RBM12: variants seen among roughly 807,000 people sequenced by gnomAD.
RBM12 encodes RNA binding motif protein 12.
In RBM12, 24 loss-of-function variants were observed where a neutral mutation model predicts 37.2. The ratio of observed to expected loss-of-function variants is 0.65; its 90% CI spans 0.47 to 0.91. The LOEUF is 0.91. RBM12 is among the 40% of genes least tolerant of loss of function. RBM12 has a pLI of 0.00. For synonymous variants in RBM12, 420 were observed against 425.2 expected, an observed-to-expected ratio of 0.99 and a Z score of 0.15; for missense variants, 1,061 against 1,183.2, an observed-to-expected ratio of 0.90 and a Z score of 1.52.
At position 35,652,515 on chromosome 20, in the gene RBM12, T is replaced by G. The variant is rs1367450800; in HGVS notation, c.*9A>C. On this transcript the variant is annotated 3_prime_UTR_variant, in exon 3 of 3. Transcript: ENST00000374114. ...TGAAGATCTACCCTATAAAAAATGA[T>G]GTGAATGGCTACCCTAATACAAGTT... 1 of 1,600,982 alleles carries G rather than the reference T, an allele frequency of 6.2e-7. No individual in the cohort carries two copies. Among genetic ancestry groups the G allele is most frequent in the South Asian group, 1.1e-5 (1 of 89,258 alleles).
chr20:35,659,806 T>C (rs1439434494), intron 1 of RBM12, among the ~76,000 whole-genome samples: 6 of 152,232 alleles, frequency 3.9e-5, no homozygotes, highest in South Asian at 2.1e-4. Context: ...CAAGCATATA[T>C]GACCAAATGT....
rs2033692287 is a variant in RBM12 at position 35,653,552 on chromosome 20, G to A, written c.1771C>T (p.Gln591Ter). ...NGQGLGQALV[Q>*]FKNEDDARKS... is the part of the protein sequence containing the mutation. Reference sequence around the variant, plus strand: ...CGTGCATCATCTTCATTTTTAAACTGAACCAATGCCTGTCCTAGACCTTGC... The same window carrying A: ...CGTGCATCATCTTCATTTTTAAACTAAACCAATGCCTGTCCTAGACCTTGC... The change falls in exon 3 of 3, where the codon CAG (glutamine) becomes TAG (stop). Residue 591 changes from glutamine to a stop codon, truncating the protein, a stop_gained. Transcript: ENST00000374114. LOFTEE classifies it high-confidence loss of function. 1 of 1,614,006 alleles carries A rather than the reference G, an allele frequency of 6.2e-7. No homozygotes were observed. The highest frequency in any genetic ancestry group is 8.5e-7 in the Non-Finnish European group (1 of 1,180,028).
rs1463790316 is a variant in RBM12, at chr20:35,652,783, G to A, written c.2540C>T (p.Ala847Val). 1.9e-6 allele frequency: 3 copies of A among 1,610,808 alleles called. No individual in the cohort carries two copies. The highest frequency in any genetic ancestry group is 2.2e-5 in the East Asian group (1 of 44,880). Residue 847 changes from alanine (A) to valine (V), a missense_variant, in exon 3 of 3, where the codon GCA becomes GTA. By Grantham distance (64) the Ala-to-Val change is moderately conservative. This residue lies in a region of RBM12 where 517 missense variants were observed against 534.0 expected (regional missense o/e 0.97). Coordinates refer to ENST00000374114, the MANE Select transcript of RBM12 (RefSeq NM_006047.6). Reference sequence around the variant, plus strand: ...CGGTCCTGGTTTTCCAGAACTAGATGCAAAGCCAGGGGGACCACCAATATG... The same window carrying A: ...CGGTCCTGGTTTTCCAGAACTAGATACAAAGCCAGGGGGACCACCAATATG... ...PIHIGGPPGF[A>V]SSSGKPGPTV...
chr20:35,652,812 T>TGGGCCG lies in RBM12; in HGVS notation c.2510_2511insCGGCCC (p.Gly836_Pro837dup), dbSNP rs1568933455. 1 of 1,587,810 alleles carries TGGGCCG rather than the reference T, an allele frequency of 6.3e-7. No homozygotes were observed. Among genetic ancestry groups the TGGGCCG allele is most frequent in the Non-Finnish European group, 8.6e-7 (1 of 1,162,086 alleles). Reference sequence around the variant, plus strand: ...AGCCAGGGGGACCACCAATATGGATTGGGCCAGGGCCGGGGCCGGGGCCGG... The same window carrying TGGGCCG: ...AGCCAGGGGGACCACCAATATGGATTGGGCCGGGGCCAGGGCCGGGGCCGGGGCCGG... On this transcript the variant is annotated inframe_insertion, in exon 3 of 3. Transcript: ENST00000374114.
In RBM12 at chr20:35,653,234, T is replaced by C; in HGVS notation, c.2089A>G (p.Ile697Val). ...LPGAGMPSAG[I>V]PSAGGEEHAF... The stretch of plus-strand genomic sequence containing the variant: ...TGCTCTTCACCTCCTGCACTAGGTA[T>C]TCCTGCACTGGGCATTCCCGCACCA... Residue 697 changes from isoleucine (I) to valine (V), a missense_variant, in exon 3 of 3, where the codon ATA becomes GTA. By Grantham distance (29) the Ile-to-Val change is conservative. This residue lies in a region of RBM12 where 517 missense variants were observed against 534.0 expected (regional missense o/e 0.97). Coordinates refer to ENST00000374114, the MANE Select transcript of RBM12 (RefSeq NM_006047.6). 1 of 1,613,570 alleles carries C rather than the reference T, an allele frequency of 6.2e-7. No individual in the cohort carries two copies. Among genetic ancestry groups the C allele is most frequent in the Non-Finnish European group, 8.5e-7 (1 of 1,179,936 alleles).
intron 1 of RBM12, among the ~76,000 whole-genome samples, chr20:35,659,836 G>A (rs1346061589): frequency 1.3e-5 from 2 of 151,960 alleles, no homozygotes; most frequent in African/African-American, 4.8e-5. Context: ...TATATTCAAA[G>A]GTCATTTTTT....
chr20:35,658,718 C>A (rs930206488), intron 2 of RBM12, among the ~76,000 whole-genome samples: 3 of 151,928 alleles, frequency 2.0e-5, no homozygotes, highest in African/African-American at 7.3e-5. Context: ...CGAGATGGCA[C>A]CACTGCACTC....
At chr20:35,661,439 A>AC (rs1414343962) in intron 1 of RBM12, among the ~76,000 whole-genome samples, 1 of 152,224 alleles carries the variant, frequency 6.6e-6, no homozygotes, top group Admixed American at 6.5e-5. Context: ...CATCTAAAAT[A>AC]CATATTCTAT....
At position 35,658,491 on chromosome 20, in the gene RBM12, C is replaced by A. The variant is rs1396787533; in HGVS notation, c.-23+439G>T. 2.0e-5 allele frequency among the ~76,000 whole-genome samples: 3 copies of A among 151,946 alleles called. No homozygotes were observed. The South Asian group carries it at 6.2e-4, about 32-fold the overall frequency. On this transcript the variant is annotated intron_variant, in intron 2 of 2. Transcript: ENST00000374114. Reference sequence around the variant, plus strand: ...TAAAAAACCACACCGGCCTGGGTGGCGGCTCATGCCTGTAATCCCAGCACT... The same window carrying A: ...TAAAAAACCACACCGGCCTGGGTGGAGGCTCATGCCTGTAATCCCAGCACT...
intron 1 of RBM12, among the ~76,000 whole-genome samples, chr20:35,664,185 C>T (rs1201117254): frequency 6.6e-6 from 1 of 152,236 alleles, no homozygotes; most frequent in Admixed American, 6.5e-5. Flanking sequence ...ACCCCTCCAC[C>T]TTCAGGCCAC....
chr20:35,654,061 C>G lies in RBM12; in HGVS notation c.1262G>C (p.Arg421Thr). 1.2e-6 allele frequency: 2 copies of G among 1,614,162 alleles called. No individual in the cohort carries two copies. Among genetic ancestry groups the G allele is most frequent in the Non-Finnish European group, 1.7e-6 (2 of 1,180,004 alleles). ...ACCAGCCTCATGTGGTGATCTTGACCTTGATCTTTTCTGCCCACTGGGCGA... is the reference window on the plus strand; with the variant it reads ...ACCAGCCTCATGTGGTGATCTTGACGTTGATCTTTTCTGCCCACTGGGCGA... The part of the protein sequence containing the change: ...SKSPSGQKRS[R>T]SRSPHEAGFC... Residue 421 changes from arginine to threonine, a missense_variant, in exon 3 of 3, where the codon AGG (arginine) becomes ACG (threonine). Arg to Thr is a moderately conservative substitution (Grantham distance 71). This residue lies in a region of RBM12 where 540 missense variants were observed against 632.7 expected (regional missense o/e 0.85). Transcript: ENST00000374114.
At chr20:35,655,474 A>G in intron 2 of RBM12, 130 bp from the exon 3 acceptor site, 1 of 768,586 alleles carries the variant, frequency 1.3e-6, no homozygotes, top group South Asian at 2.0e-5. Context: ...CAATGTCTTT[A>G]ATTTAGATAT....
chr20:35,656,533 T>A (rs758238206), intron 2 of RBM12, among the ~76,000 whole-genome samples: 1 of 152,154 alleles, frequency 6.6e-6, no homozygotes, highest in Non-Finnish European at 1.5e-5. Flanking sequence ...AAGTCAACTT[T>A]TATTTATTTA....
Position 35,658,939 on chromosome 20 carries a change from CAA to C in RBM12, c.-34_-33del. On this transcript the variant is annotated 5_prime_UTR_variant, in exon 2 of 3. Transcript: ENST00000374114. ...ATTCAAAATCTCTTACCTGATAAAA[CAA>C]GAGATGAATTTCCTTAACAAGAAGT... The C allele has an allele frequency of 2.8e-6, 2 of 716,142 alleles. No individual in the cohort carries two copies. The highest frequency in any genetic ancestry group is 1.8e-5 in the African/African-American group (1 of 57,086). 44.4% of individuals were successfully genotyped at this position (716,142 alleles called of 1,614,324 possible). A position where few individuals can be genotyped will look rare whatever the true frequency, so the allele number is the denominator to read the frequency against.
chr20:35,654,231 T>G lies in RBM12; in HGVS notation c.1092A>C (p.Arg364Ser). Residue 364 changes from arginine to serine, a missense_variant, in exon 3 of 3, where the codon AGA (arginine) becomes AGC (serine). Arg to Ser is a moderately radical substitution (Grantham distance 110). This residue lies in a region of RBM12 where 540 missense variants were observed against 632.7 expected (regional missense o/e 0.85). Coordinates refer to ENST00000374114, the MANE Select transcript of RBM12 (RefSeq NM_006047.6). ...CCACATAGCGTTGAATCATCAGCAT[T>G]CTGTTTCGTTTCAAAGCTTCAAATG... The part of the protein sequence containing the change: ...QDTFEALKRN[R>S]MLMIQRYVEV... 1 of 1,614,250 alleles carries G rather than the reference T, an allele frequency of 6.2e-7. No individual in the cohort carries two copies. Among genetic ancestry groups the G allele is most frequent in the Non-Finnish European group, 8.5e-7 (1 of 1,180,044 alleles).
chr20:35,654,995 T>C lies in RBM12; in HGVS notation c.328A>G (p.Ser110Gly). 2 of 1,614,206 alleles carry C rather than the reference T, an allele frequency of 1.2e-6. No homozygotes were observed. The highest frequency in any genetic ancestry group is 1.7e-6 in the Non-Finnish European group (2 of 1,180,022). ...ANASRSGPPP[S>G]SGMSSRVNLP... ...TTTACCCTGCTACTCATTCCTGAGC[T>C]AGGTGGTGGTCCTGATCTACTGGCA... Residue 110 changes from serine to glycine, a missense_variant, in exon 3 of 3, where the codon AGC becomes GGC. Ser to Gly is a moderately conservative substitution (Grantham distance 56). Around this residue, in one of 3 missense-constraint regions of RBM12, gnomAD observed 540 missense variants for 632.7 expected, o/e 0.85. Transcript: ENST00000374114.
intron 2 of RBM12, among the ~76,000 whole-genome samples, chr20:35,655,996 T>C (rs2033877416): frequency 6.6e-6 from 1 of 152,212 alleles, no homozygotes; most frequent in Non-Finnish European, 1.5e-5. Context: ...TATGGAATTA[T>C]TTATTATAAA....
Position 35,651,615 on chromosome 20 carries a change from ATAC to A in RBM12, c.*906_*908del, listed in dbSNP as rs1021349652. ...ACATAATCGGGACAGGAGGAAATTG[ATAC>A]TACAATTAGTCCATATGAAAAGGAC... On this transcript the variant is annotated 3_prime_UTR_variant, in exon 3 of 3. Transcript: ENST00000374114. 2 of 151,866 alleles carry A rather than the reference ATAC, an allele frequency of 1.3e-5. No homozygotes were observed. The highest frequency in any genetic ancestry group is 4.8e-5 in the African/African-American group (2 of 41,300). The allele number at this position is 151,866 out of a possible 1,614,324, so 9.4% of individuals were successfully genotyped here.
intron 1 of RBM12, among the ~76,000 whole-genome samples, chr20:35,663,666 T>C (rs2034360478): frequency 6.6e-6 from 1 of 152,166 alleles, no homozygotes; most frequent in Admixed American, 6.5e-5. Context: ...GATGAGTAAA[T>C]GTTTAGCACT....
Sources: allele counts gnomAD v4.1 joint callset (sites outside exome capture counted in the v4.1 genomes callset), GRCh38; gene constraint gnomAD v4.1.1; regional missense constraint gnomAD v4.1.1; transcripts MANE v1.5; gene names NCBI Gene and HGNC (gene_info 2026-07-23, HGNC 2026-07-21).